The following CHIC1 variants were observed in gnomAD, a reference collection of about 807,000 sequenced individuals.
The protein encoded by CHIC1 is cysteine-rich hydrophobic domain-containing protein 1.
CHIC1 carries 7 observed loss-of-function variants against 18.5 expected under a neutral mutation model. The observed-to-expected ratio is 0.38, with a 90% CI of 0.22 to 0.71. The LOEUF is 0.71. CHIC1 is among the 30% of genes least tolerant of loss of function. The probability of loss-of-function intolerance (pLI) is 0.49; values close to 1 mark genes in which losing one functional copy is unlikely to be tolerated. For missense variants in CHIC1, 159 were observed against 176.9 expected, an observed-to-expected ratio of 0.90 and a Z score of 0.57; for synonymous variants, 77 against 73.5, an observed-to-expected ratio of 1.05 and a Z score of -0.25.
At chrX:73,571,338 A>G (rs1402660975) in intron 1 of CHIC1, among the ~76,000 whole-genome samples, 1 of 111,323 alleles carries the variant, frequency 9.0e-6, no homozygotes, top group Non-Finnish European at 1.9e-5. Flanking sequence ...CTAAAAATGA[A>G]AACTGCATCT....
intron 3 of CHIC1, among the ~76,000 whole-genome samples, chrX:73,627,441 G>C (rs896472357): frequency 2.7e-5 from 3 of 112,770 alleles, no homozygotes; most frequent in African/African-American, 9.7e-5. Flanking sequence ...CTGTCCTAGA[G>C]TCAGGGACTA....
At chrX:73,630,410 A>G (rs932640698) in intron 3 of CHIC1, among the ~76,000 whole-genome samples, 9 of 111,004 alleles carry the variant, frequency 8.1e-5, no homozygotes, top group African/African-American at 2.9e-4. Flanking sequence ...TATATTGAGT[A>G]TATTTTTATT....
intron 3 of CHIC1, among the ~76,000 whole-genome samples, chrX:73,658,142 T>C (rs2057959713): frequency 9.1e-6 from 1 of 109,561 alleles, no homozygotes; most frequent in South Asian, 3.9e-4. Flanking sequence ...TCAAATAAAT[T>C]AGGGAGGAGT....
At chrX:73,580,016 G>A (rs1035714730) in intron 2 of CHIC1, among the ~76,000 whole-genome samples, 1 of 110,115 alleles carries the variant, frequency 9.1e-6, no homozygotes, top group Admixed American at 9.7e-5. Context: ...TGAAATACAG[G>A]TCCAAGAAAT....
At chrX:73,643,273 C>T (rs1447565085) in intron 3 of CHIC1, among the ~76,000 whole-genome samples, 1 of 109,739 alleles carries the variant, frequency 9.1e-6, no homozygotes, top group African/African-American at 3.3e-5. Context: ...GTGGGTAACC[C>T]GACCTTTCTC....
chrX:73,610,379 C>T (rs1277976623), intron 3 of CHIC1, among the ~76,000 whole-genome samples: 2 of 107,435 alleles, frequency 1.9e-5, no homozygotes, highest in East Asian at 2.9e-4. Context: ...TGCTTCTGCT[C>T]GCTCTCCGTG....
intron 3 of CHIC1, among the ~76,000 whole-genome samples, chrX:73,619,519 G>A (rs1042767840): frequency 5.4e-5 from 6 of 110,417 alleles, no homozygotes; most frequent in African/African-American, 3.3e-5. Context: ...CCCTACTGCT[G>A]TTCTTTAATG....
chrX:73,600,546 G>T (rs2057640551), intron 3 of CHIC1, among the ~76,000 whole-genome samples: 1 of 108,028 alleles, frequency 9.3e-6, no homozygotes, highest in Non-Finnish European at 1.9e-5. Flanking sequence ...AGCATGAAGG[G>T]TTGTTGAATT....
At position 73,641,564 on chromosome X, in the gene CHIC1, T is replaced by C. The variant is rs2057856492; in HGVS notation, c.508-37762T>C. The stretch of plus-strand genomic sequence containing the variant: ...TAAGTTTTAGGGTACATGTGCATAA[T>C]GTGCAGGTTAGTTACCTACGTATAC... On this transcript the variant is annotated intron_variant, in intron 3 of 5. Transcript: ENST00000373502. 2.7e-5 allele frequency among the ~76,000 whole-genome samples: 3 copies of C among 110,777 alleles called. No homozygotes were observed. The South Asian group carries it at 1.2e-3, about 43-fold the overall frequency.
At position 73,563,492 on chromosome X, in the gene CHIC1, C is replaced by T; in HGVS notation, c.208C>T (p.Pro70Ser). The T allele has an allele frequency of 8.7e-7, 1 of 1,146,867 alleles. No individual in the cohort carries two copies. Among genetic ancestry groups the T allele is most frequent in the East Asian group, 3.2e-5 (1 of 31,280 alleles). 94.5% of individuals were successfully genotyped at this position (1,146,867 alleles called of 1,213,427 possible). ...EEEEEEEEEA[P>S]PPPRVVSEEH... ...GGAGGAGGAAGAGGAGGAGGAAGCG[C>T]CGCCCCCGCCTCGGGTAGTGAGCGA... Residue 70 changes from proline (P) to serine (S), a missense_variant, in exon 1 of 6, where the codon CCG (proline) becomes TCG (serine). Pro to Ser is a moderately conservative substitution (Grantham distance 74). Coordinates refer to ENST00000373502, the MANE Select transcript of CHIC1 (RefSeq NM_001039840.4).
At chrX:73,575,077 GACAA>G (rs1379352467) in intron 1 of CHIC1, among the ~76,000 whole-genome samples, 1 of 109,598 alleles carries the variant, frequency 9.1e-6, no homozygotes, top group East Asian at 2.9e-4. Context: ...TTTATTATTT[GACAA>G]ACATTTTTCA....
At chrX:73,650,152 A>G (rs938601419) in intron 3 of CHIC1, among the ~76,000 whole-genome samples, 1 of 112,322 alleles carries the variant, frequency 8.9e-6, no homozygotes, top group Non-Finnish European at 1.9e-5. Flanking sequence ...CAATGAGACA[A>G]CGTACCAGAA....
chrX:73,564,426 G>GT (rs1374957175), intron 1 of CHIC1, among the ~76,000 whole-genome samples: 1 of 111,664 alleles, frequency 9.0e-6, no homozygotes, highest in Non-Finnish European at 1.9e-5. Flanking sequence ...ATCCAGGGTG[G>GT]TTTTTTAAAA....
At chrX:73,615,684 G>T (rs947441174) in intron 3 of CHIC1, among the ~76,000 whole-genome samples, 1 of 111,225 alleles carries the variant, frequency 9.0e-6, no homozygotes, top group Non-Finnish European at 1.9e-5. Flanking sequence ...GGTGGAGCTG[G>T]TCCAGATGGA....
intron 3 of CHIC1, among the ~76,000 whole-genome samples, chrX:73,677,190 TGAG>T (rs2058069888): frequency 9.0e-6 from 1 of 111,707 alleles, no homozygotes; most frequent in African/African-American, 3.3e-5. Context: ...GGGACCCACT[TGAG>T]GAGGCTGTCT....
intron 3 of CHIC1, among the ~76,000 whole-genome samples, chrX:73,625,650 C>G (rs1335314742): frequency 9.0e-6 from 1 of 111,285 alleles, no homozygotes; most frequent in Non-Finnish European, 1.9e-5. Context: ...CAGATTAATC[C>G]AAAGAGAGTA....
In CHIC1 at chrX:73,566,487, C is replaced by T. The variant is rs750430738; in HGVS notation, c.296+2907C>T. Among the ~76,000 whole-genome samples, 13 of 110,041 alleles carry T rather than the reference C, an allele frequency of 1.2e-4. 1 individual carries two copies. In the South Asian group the frequency reaches 5.1e-3, roughly 43 times the overall value. ...TCCTCCCAGATCTTGCTCAACCAGG[C>T]CTCCCATCTCTCCAGTATTACCTCT... On this transcript the variant is annotated intron_variant, in intron 1 of 5. Coordinates refer to ENST00000373502, the MANE Select transcript of CHIC1 (RefSeq NM_001039840.4).
At chrX:73,678,035 A>G (rs68122815) in intron 3 of CHIC1, among the ~76,000 whole-genome samples, 4,890 of 100,249 alleles carry the variant, frequency 0.049, 345 homozygotes, top group African/African-American at 0.17. Flanking sequence ...CACATCTGCT[A>G]TAATTGCCAC....
chrX:73,659,024 C>T (rs930829394), intron 3 of CHIC1, among the ~76,000 whole-genome samples: 12 of 111,674 alleles, frequency 1.1e-4, no homozygotes, highest in African/African-American at 3.9e-4. Flanking sequence ...ATGGCCCTGA[C>T]AAGCCAGTGC....
Sources: gnomAD v4.1 joint callset for allele counts (sites outside exome capture counted in the v4.1 genomes callset) on GRCh38, gnomAD v4.1.1 for gene constraint, MANE v1.5 for transcripts, NCBI Gene and HGNC (gene_info 2026-07-23, HGNC 2026-07-21) for gene names.